Variants in UGT2B11 observed in about 807,000 individuals in gnomAD.
UGT2B11 encodes UDP glucuronosyltransferase family 2 member B11, also known as UDP-glucuronosyltransferase 2B11.
UGT2B11 carries 49 observed loss-of-function variants against 51.7 expected under a neutral mutation model. That is an observed-to-expected ratio of 0.95 (90% confidence interval 0.75 to 1.20). UGT2B11 has a LOEUF of 1.20. Among genes scored for constraint, UGT2B11 ranks in the 50% most tolerant of loss-of-function variants. The pLI, the probability that UGT2B11 is intolerant of heterozygous loss-of-function variation, is 0.00. For missense variants in UGT2B11, 810 were observed against 622.1 expected (o/e 1.30, Z -3.21); for synonymous variants, 273 against 209.0 (o/e 1.31, Z -2.64).
intron 1 of UGT2B11, 47 bp downstream of exon 1, chr4:69,213,955 A>T: frequency 6.6e-7 from 1 of 1,504,446 alleles, no homozygotes. Flanking sequence ...TGCTTCAAAG[A>T]CACAAATAAG....
In UGT2B11 at chr4:69,214,303, T is replaced by C. The variant is rs1420425892; in HGVS notation, c.420A>G (p.Leu140=). 1.2e-6 allele frequency: 2 copies of C among 1,613,244 alleles called. No homozygotes were observed. The highest frequency in any genetic ancestry group is 1.7e-5 in the Admixed American group (1 of 59,902). The change falls in exon 1 of 6, where the codon CTA becomes CTG. Residue 140 remains leucine (L), a synonymous_variant. Transcript: ENST00000446444. ...AAACGATGTCAAATCTTGACTCTTG[T>C]AGTTTTTTCATAACTTTCTTATTTG... is the stretch of plus-strand genomic sequence containing the variant. ...VVSNKKVMKK[L]QESRFDIVFA...
chr4:69,220,770 G>T, the UGT2B11 span, among the ~76,000 whole-genome samples: 2 of 151,842 alleles, frequency 1.3e-5, no homozygotes, highest in African/African-American at 4.8e-5. Flanking sequence ...AATGATTCCT[G>T]ACTGGTTAAT....
At chr4:69,215,546 T>A, upstream of UGT2B11, 1 of 152,100 alleles carries the variant, frequency 6.6e-6, no homozygotes, top group Non-Finnish European at 1.5e-5. Context: ...ATATTGATTT[T>A]CTTCCACTTT....
chr4:69,211,832 T>C (rs1436998405), intron 2 of UGT2B11, among the ~76,000 whole-genome samples: 1 of 151,586 alleles, frequency 6.6e-6, no homozygotes, highest in South Asian at 2.1e-4. Flanking sequence ...CATATATATT[T>C]ATTTCTTAAC....
Position 69,200,515 on chromosome 4 carries a change from T to C in UGT2B11, c.1515A>G (p.Ile505Met). 2.5e-6 allele frequency: 4 copies of C among 1,612,190 alleles called. No homozygotes were observed. Among genetic ancestry groups the C allele is most frequent in the Non-Finnish European group, 2.5e-6 (3 of 1,178,902 alleles). ...GFLLACVATV[I>M]FIITKFCLFC... ...ACAGACAAAACTTTGTGATGATAAA[T>C]ATCACAGTTGCCACACAGGCCAGCA... Residue 505 changes from isoleucine (I) to methionine (M), a missense_variant, in exon 6 of 6, where the codon ATA (isoleucine) becomes ATG (methionine). Physicochemically the swap from Ile to Met is conservative, Grantham distance 10. Coordinates refer to ENST00000446444, the MANE Select transcript of UGT2B11 (RefSeq NM_001073.3).
intron 2 of UGT2B11, among the ~76,000 whole-genome samples, chr4:69,212,331 T>G (rs900418841): frequency 6.6e-6 from 1 of 151,546 alleles, no homozygotes; most frequent in African/African-American, 2.4e-5. Context: ...AATCAACATT[T>G]TACTTTAATC....
At chr4:69,208,196 C>T (rs1051276078) in intron 3 of UGT2B11, among the ~76,000 whole-genome samples, 155 bp downstream of exon 3, 1 of 151,554 alleles carries the variant, frequency 6.6e-6, no homozygotes, top group Admixed American at 6.6e-5. Context: ...TGAGGCACAA[C>T]TATTACTTGT....
chr4:69,220,887 A>G, the UGT2B11 span, among the ~76,000 whole-genome samples: 1 of 152,146 alleles, frequency 6.6e-6, no homozygotes, highest in Non-Finnish European at 1.5e-5. Flanking sequence ...TAGAGAATTA[A>G]GCTGGCTTTG....
At position 69,204,215 on chromosome 4, in the gene UGT2B11, A is replaced by C. The variant is rs550718183; in HGVS notation, c.1310+215T>G. On this transcript the variant is annotated intron_variant, in intron 5 of 5. Coordinates refer to ENST00000446444, the MANE Select transcript of UGT2B11 (RefSeq NM_001073.3). ...TCATTTTAAAATTATTTTTGTTTAGAAAATTGCTTCACTAACTGGTTACTC... is the reference window on the plus strand; with the variant it reads ...TCATTTTAAAATTATTTTTGTTTAGCAAATTGCTTCACTAACTGGTTACTC... The C allele has an allele frequency of 5.6e-6, 3 of 532,844 alleles. No homozygotes were observed. In the South Asian group the frequency reaches 1.8e-4, roughly 33 times the overall value. 33.0% of individuals were successfully genotyped at this position (532,844 alleles called of 1,614,324 possible).
intron 3 of UGT2B11, among the ~76,000 whole-genome samples, chr4:69,206,365 A>G (rs560740676): frequency 5.9e-5 from 9 of 151,892 alleles, no homozygotes; most frequent in African/African-American, 1.7e-4. Flanking sequence ...TAGGAAACTA[A>G]CATAGGAATT....
chr4:69,205,416 T>C, intron 4 of UGT2B11, 64 bp downstream of exon 4: 2 of 1,557,300 alleles, frequency 1.3e-6, no homozygotes, highest in Non-Finnish European at 1.7e-6. Context: ...TCAATAAGCA[T>C]GTTTCATTAA....
intron 2 of UGT2B11, among the ~76,000 whole-genome samples, chr4:69,209,890 T>A (rs965001641): frequency 3.3e-5 from 5 of 151,616 alleles, no homozygotes; most frequent in African/African-American, 1.2e-4. Flanking sequence ...ATTATAAAAA[T>A]AATACAAAAT....
chr4:69,213,349 T>A (rs936529042), intron 1 of UGT2B11, among the ~76,000 whole-genome samples: 1 of 151,810 alleles, frequency 6.6e-6, no homozygotes, highest in African/African-American at 2.4e-5. Context: ...TATTTTTAAA[T>A]AAAGAGACAT....
At chr4:69,221,129 G>A in the UGT2B11 span, among the ~76,000 whole-genome samples, 1 of 152,204 alleles carries the variant, frequency 6.6e-6, no homozygotes, top group South Asian at 2.1e-4. Context: ...GTGCTAGAAA[G>A]GAGAGAAAGC....
the UGT2B11 span, among the ~76,000 whole-genome samples, chr4:69,224,617 A>G: frequency 6.6e-6 from 1 of 152,082 alleles, no homozygotes; most frequent in Non-Finnish European, 1.5e-5. Context: ...TGACGATGTA[A>G]ATGCCTTTCC....
intron 2 of UGT2B11, among the ~76,000 whole-genome samples, chr4:69,210,295 ACCT>A (rs2109950589): frequency 6.6e-6 from 1 of 151,666 alleles, no homozygotes; most frequent in Admixed American, 6.6e-5. Context: ...TAATAGGTGC[ACCT>A]TGATTTTTTT....
rs1721619787 is a variant in UGT2B11 at position 69,200,617 on chromosome 4, T to C, written c.1413A>G (p.Lys471=). ...CTGCAACTCGAAGGTGTTTGGCTCC[T>C]TTGTGGGGCATGACAAATTCAATCC... ...VFWIEFVMPH[K]GAKHLRVAAH... is the part of the protein sequence containing the mutation. Residue 471 remains lysine, a synonymous_variant, in exon 6 of 6, where the codon AAA becomes AAG. Transcript: ENST00000446444. 6.2e-7 allele frequency: 1 copy of C among 1,612,478 alleles called. No homozygotes were observed. The highest frequency in any genetic ancestry group is 1.3e-5 in the African/African-American group (1 of 74,898).
At chr4:69,223,740 A>T in the UGT2B11 span, among the ~76,000 whole-genome samples, 10 of 152,282 alleles carry the variant, frequency 6.6e-5, no homozygotes, top group African/African-American at 1.9e-4. Flanking sequence ...GCTGTACTCT[A>T]GGCTTCTGTC....
chr4:69,205,364 T>G lies in UGT2B11; in HGVS notation c.1090+116A>C. On this transcript the variant is annotated intron_variant, in intron 4 of 5. Coordinates refer to ENST00000446444, the MANE Select transcript of UGT2B11 (RefSeq NM_001073.3). ...ATTCTTTTCCCCTAGGACTGGAAAA[T>G]AAATACAAAGAAGTTCTTTTTTGTT... 2.9e-6 allele frequency: 4 copies of G among 1,379,026 alleles called. No individual in the cohort carries two copies. The South Asian group carries it at 3.9e-5, about 13-fold the overall frequency. The allele number at this position is 1,379,026 out of a possible 1,614,324, so 85.4% of individuals were successfully genotyped here. A position where few individuals can be genotyped will look rare whatever the true frequency, so the allele number is the denominator to read the frequency against.
Sources: gnomAD v4.1 joint callset for allele counts (sites outside exome capture counted in the v4.1 genomes callset) on GRCh38, gnomAD v4.1.1 for gene constraint, MANE v1.5 for transcripts, NCBI Gene and HGNC (gene_info 2026-07-23, HGNC 2026-07-21) for gene names.